The following ROBO1 variants were observed in gnomAD, a reference collection of about 807,000 sequenced individuals.
ROBO1 encodes roundabout homolog 1.
A neutral mutation model predicts 195.9 loss-of-function variants in ROBO1; 149 were observed. The observed-to-expected ratio is 0.76, with a 90% CI of 0.67 to 0.87. The LOEUF (loss-of-function observed/expected upper bound fraction) is 0.87. Ranked by LOEUF, ROBO1 falls within the 40% of genes least tolerant of loss-of-function variation. ROBO1 has a pLI of 0.00. For synonymous variants in ROBO1, 816 were observed against 733.2 expected (o/e 1.11, Z -1.82); for missense variants, 1,933 against 2,068.3 (o/e 0.93, Z 1.27).
chr3:78,865,361 G>A (rs1440393868), intron 4 of ROBO1, among the ~76,000 whole-genome samples: 2 of 151,888 alleles, frequency 1.3e-5, no homozygotes, highest in African/African-American at 2.4e-5. Flanking sequence ...ATATCAAAAT[G>A]ATAAAATATT....
intron 8 of ROBO1, among the ~76,000 whole-genome samples, chr3:78,694,235 T>C (rs144624957): frequency 1.2e-3 from 190 of 152,262 alleles, no homozygotes; most frequent in African/African-American, 4.2e-3. Context: ...TATAAGCAAA[T>C]ATAATTACTG....
intron 4 of ROBO1, among the ~76,000 whole-genome samples, chr3:78,854,605 T>C (rs2034296437): frequency 6.6e-6 from 1 of 151,948 alleles, no homozygotes; most frequent in Non-Finnish European, 1.5e-5. Context: ...TATTCTATGA[T>C]TTTCTTGAAA....
At chr3:79,127,193 G>A (rs2080232419) in intron 2 of ROBO1, among the ~76,000 whole-genome samples, 1 of 152,182 alleles carries the variant, frequency 6.6e-6, no homozygotes, top group East Asian at 1.9e-4. Context: ...ACACGCACAC[G>A]TTGTTTAGGT....
intron 4 of ROBO1, among the ~76,000 whole-genome samples, chr3:78,862,425 C>T (rs1297563670): frequency 1.3e-5 from 2 of 152,202 alleles, no homozygotes; most frequent in Non-Finnish European, 1.5e-5. Flanking sequence ...GCCCTATCAA[C>T]ACCTTCTTTC....
intron 2 of ROBO1, among the ~76,000 whole-genome samples, chr3:79,406,206 A>C (rs981158832): frequency 6.6e-6 from 1 of 151,688 alleles, no homozygotes; most frequent in Admixed American, 6.6e-5. Flanking sequence ...GATGCTAAAA[A>C]AAATAAAACT....
chr3:79,024,666 G>A (rs2078169214), intron 3 of ROBO1, among the ~76,000 whole-genome samples: 1 of 152,184 alleles, frequency 6.6e-6, no homozygotes, highest in Non-Finnish European at 1.5e-5. Flanking sequence ...GAGTCCCCCA[G>A]AGAGGATAGT....
intron 1 of ROBO1, among the ~76,000 whole-genome samples, chr3:79,607,290 C>A (rs925855032): frequency 6.6e-6 from 1 of 151,068 alleles, no homozygotes; most frequent in Non-Finnish European, 1.5e-5. Context: ...TAAAAATAAT[C>A]TATTCATAAT....
intron 2 of ROBO1, among the ~76,000 whole-genome samples, chr3:79,180,626 G>C (rs1481572434): frequency 6.6e-6 from 1 of 152,104 alleles, no homozygotes; most frequent in Non-Finnish European, 1.5e-5. Flanking sequence ...ATTTCTCAAG[G>C]GTTGTTGTGA....
intron 2 of ROBO1, among the ~76,000 whole-genome samples, chr3:79,500,167 G>A (rs1939990120): frequency 9.1e-6 from 1 of 110,270 alleles, no homozygotes; most frequent in Non-Finnish European, 1.7e-5. Context: ...GTCTCGCTCT[G>A]TCGCCCAGGT....
intron 2 of ROBO1, among the ~76,000 whole-genome samples, chr3:79,459,049 T>A (rs1424781536): frequency 6.6e-6 from 1 of 152,170 alleles, no homozygotes; most frequent in Non-Finnish European, 1.5e-5. Context: ...CGTTTTTAAG[T>A]GGTGACATTG....
At chr3:78,862,475 C>T (rs1378018940) in intron 4 of ROBO1, among the ~76,000 whole-genome samples, 3 of 152,142 alleles carry the variant, frequency 2.0e-5, no homozygotes, top group Non-Finnish European at 2.9e-5. Flanking sequence ...CAGCTGAACC[C>T]GCTCAGACTT....
At chr3:79,398,722 T>C (rs889261535) in intron 2 of ROBO1, among the ~76,000 whole-genome samples, 8 of 152,104 alleles carry the variant, frequency 5.3e-5, no homozygotes, top group African/African-American at 1.9e-4. Flanking sequence ...TTGGTGGCAA[T>C]TTCTCTCCGG....
At chr3:79,704,229 C>T (rs562990827) in intron 1 of ROBO1, among the ~76,000 whole-genome samples, 1 of 151,880 alleles carries the variant, frequency 6.6e-6, no homozygotes, top group South Asian at 2.1e-4. Flanking sequence ...AATTAGAGTT[C>T]ACTCTTGGTG....
At chr3:79,110,971 C>T (rs781437034) in intron 3 of ROBO1, among the ~76,000 whole-genome samples, 1 of 152,068 alleles carries the variant, frequency 6.6e-6, no homozygotes, top group African/African-American at 2.4e-5. Context: ...GGCAGTGACA[C>T]TACAGTGTCA....
At chr3:78,788,264 C>T (rs1316449748) in intron 4 of ROBO1, among the ~76,000 whole-genome samples, 5 of 149,090 alleles carry the variant, frequency 3.4e-5, no homozygotes, top group Middle Eastern at 3.4e-3. Context: ...TAAAGGCGCC[C>T]GCCACCACGC....
At chr3:79,608,874 G>A (rs1453278673) in intron 1 of ROBO1, among the ~76,000 whole-genome samples, 1 of 151,990 alleles carries the variant, frequency 6.6e-6, no homozygotes, top group East Asian at 1.9e-4. Flanking sequence ...AACCTCCAAT[G>A]TAATGGTATT....
rs147079680 is a variant in ROBO1 at position 79,116,347 on chromosome 3, TTTTC to T, written c.172+9105_172+9108del. ...TTTTCTTTTCTTTTCCTTTCTTTCTTTTTCTTTCTTATTTTTTTCGTTCTTTTCT... is the reference window on the plus strand; with the variant it reads ...TTTTCTTTTCTTTTCCTTTCTTTCTTTTTCTTATTTTTTTCGTTCTTTTCT... On this transcript the variant is annotated intron_variant, in intron 3 of 30. Coordinates refer to ENST00000464233, the MANE Select transcript of ROBO1 (RefSeq NM_002941.4). Among the ~76,000 whole-genome samples, 114 of 151,382 alleles carry T rather than the reference TTTTC, an allele frequency of 7.5e-4. 1 individual carries two copies. The East Asian group carries it at 8.6e-3, about 11-fold the overall frequency.
intron 2 of ROBO1, among the ~76,000 whole-genome samples, chr3:79,203,945 A>G (rs1262597990): frequency 6.6e-6 from 1 of 152,128 alleles, no homozygotes; most frequent in Non-Finnish European, 1.5e-5. Context: ...AATGTGTGCA[A>G]TTGGTATCCT....
intron 4 of ROBO1, among the ~76,000 whole-genome samples, chr3:78,924,043 A>G (rs916903551): frequency 6.6e-6 from 1 of 152,174 alleles, no homozygotes; most frequent in African/African-American, 2.4e-5. Context: ...AAAAATACAC[A>G]TATATAAATA....
Sources: allele counts gnomAD v4.1 joint callset (sites outside exome capture counted in the v4.1 genomes callset), GRCh38; gene constraint gnomAD v4.1.1; transcripts MANE v1.5; gene names NCBI Gene and HGNC (gene_info 2026-07-23, HGNC 2026-07-21).